The following ENTREP2 variants were observed in gnomAD, a reference collection of about 807,000 sequenced individuals.
ENTREP2 encodes the protein endosomal transmembrane epsin interactor 2.
At chr15:29,437,916 G>C in the ENTREP2 span, among the ~76,000 whole-genome samples, 1 of 152,198 alleles carries the variant, frequency 6.6e-6, no homozygotes, top group African/African-American at 2.4e-5. Flanking sequence ...GTGGTATTCA[G>C]GAATGTCAGT....
chr15:29,230,731 GA>G, the ENTREP2 span, among the ~76,000 whole-genome samples: 2 of 152,142 alleles, frequency 1.3e-5, no homozygotes, highest in Non-Finnish European at 2.9e-5. Context: ...TAAAAGAAAT[GA>G]AGGTAAGCCT....
the ENTREP2 span, among the ~76,000 whole-genome samples, chr15:29,632,404 T>G: frequency 6.6e-6 from 1 of 152,202 alleles, no homozygotes; most frequent in Non-Finnish European, 1.5e-5. Context: ...CTGGATTTTT[T>G]TCCTCAGAAT....
At chr15:29,524,848 G>A in the ENTREP2 span, among the ~76,000 whole-genome samples, 4 of 152,194 alleles carry the variant, frequency 2.6e-5, no homozygotes, top group African/African-American at 4.8e-5. Context: ...ATTTAATAGA[G>A]TGAAAATAGA....
the ENTREP2 span, among the ~76,000 whole-genome samples, chr15:29,547,281 G>A: frequency 1.3e-5 from 2 of 151,610 alleles, no homozygotes; most frequent in Non-Finnish European, 2.9e-5. Context: ...GTAGAGACCG[G>A]GTTTCACCAT....
chr15:29,532,354 GTT>G, the ENTREP2 span, among the ~76,000 whole-genome samples: 1 of 152,120 alleles, frequency 6.6e-6, no homozygotes, highest in Non-Finnish European at 1.5e-5. Context: ...AAGAGACAGT[GTT>G]TTCTGATTTG....
chr15:29,433,795 A>C, the ENTREP2 span, among the ~76,000 whole-genome samples: 10 of 152,110 alleles, frequency 6.6e-5, no homozygotes, highest in African/African-American at 1.2e-4. Context: ...AAAAAAAAAA[A>C]AAAACAGCTA....
chr15:29,546,217 T>C, the ENTREP2 span, among the ~76,000 whole-genome samples: 4 of 152,154 alleles, frequency 2.6e-5, no homozygotes, highest in Non-Finnish European at 5.9e-5. Context: ...CCCTACCCTG[T>C]GACACTGTAA....
chr15:29,480,623 C>A, the ENTREP2 span, among the ~76,000 whole-genome samples: 1 of 152,104 alleles, frequency 6.6e-6, no homozygotes, highest in African/African-American at 2.4e-5. Context: ...GGGGCCCACT[C>A]TCCCATGTCC....
the ENTREP2 span, among the ~76,000 whole-genome samples, chr15:29,585,578 C>T: frequency 1.3e-5 from 2 of 152,124 alleles, no homozygotes; most frequent in East Asian, 3.9e-4. Flanking sequence ...AACCACAGGC[C>T]GGGCGCGGTG....
chr15:29,396,839 A>G, the ENTREP2 span, among the ~76,000 whole-genome samples: 1 of 152,198 alleles, frequency 6.6e-6, no homozygotes, highest in Admixed American at 6.6e-5. Flanking sequence ...AACACATTAA[A>G]TTAGTTTTTA....
At chr15:29,223,641 G>A in the ENTREP2 span, among the ~76,000 whole-genome samples, 1 of 152,078 alleles carries the variant, frequency 6.6e-6, no homozygotes, top group Non-Finnish European at 1.5e-5. Flanking sequence ...CACACTTCTT[G>A]CAGACACTAA....
the ENTREP2 span, among the ~76,000 whole-genome samples, chr15:29,273,089 C>T: frequency 6.6e-5 from 10 of 151,936 alleles, no homozygotes; most frequent in Admixed American, 2.0e-4. Context: ...CAAGGTTATT[C>T]GGGGTCCCCT....
At chr15:29,371,527 G>A in the ENTREP2 span, among the ~76,000 whole-genome samples, 24 of 152,184 alleles carry the variant, frequency 1.6e-4, no homozygotes, top group Admixed American at 1.4e-3. Context: ...TGATTAAAGA[G>A]ACCAGTTAAC....
At chr15:29,608,381 C>T in the ENTREP2 span, among the ~76,000 whole-genome samples, 1 of 151,870 alleles carries the variant, frequency 6.6e-6, no homozygotes, top group African/African-American at 2.4e-5. Flanking sequence ...GAAACTGCTC[C>T]TTCCTTTCTT....
chr15:29,647,183 T>G, the ENTREP2 span, among the ~76,000 whole-genome samples: 207 of 152,368 alleles, frequency 1.4e-3, no homozygotes, highest in Non-Finnish European at 2.5e-3. Context: ...TTGCAATTTA[T>G]GAGCAAAAGC....
At chr15:29,626,998 T>G in the ENTREP2 span, among the ~76,000 whole-genome samples, 1 of 152,214 alleles carries the variant, frequency 6.6e-6, no homozygotes, top group Non-Finnish European at 1.5e-5. Context: ...ATTTCTGCTC[T>G]TCTCTTTGTT....
At chr15:29,482,040 C>T in the ENTREP2 span, among the ~76,000 whole-genome samples, 1 of 151,928 alleles carries the variant, frequency 6.6e-6, no homozygotes, top group African/African-American at 2.4e-5. Flanking sequence ...TCTTGTTGCC[C>T]AGGCTGGAGT....
At chr15:29,258,090 G>A in the ENTREP2 span, among the ~76,000 whole-genome samples, 2 of 152,020 alleles carry the variant, frequency 1.3e-5, no homozygotes, top group African/African-American at 4.8e-5. Context: ...GCACGCGCCT[G>A]TAATCCCAGC....
At chr15:29,138,597 A>G in the ENTREP2 span, among the ~76,000 whole-genome samples, 16 of 90,620 alleles carry the variant, frequency 1.8e-4, no homozygotes, top group African/African-American at 9.1e-4. Flanking sequence ...CTGTGTATAT[A>G]TGTATGTGTG....
Sources: allele counts gnomAD v4.1 joint callset (sites outside exome capture counted in the v4.1 genomes callset), GRCh38; gene constraint gnomAD v4.1.1; transcripts MANE v1.5; gene names NCBI Gene and HGNC (gene_info 2026-07-23, HGNC 2026-07-21).